The following C19orf47 variants were observed in gnomAD, a reference collection of about 807,000 sequenced individuals.
C19orf47 encodes chromosome 19 open reading frame 47, also known as uncharacterized protein C19orf47.
In C19orf47, 18 loss-of-function variants were observed where a neutral mutation model predicts 32.3. The ratio of observed to expected loss-of-function variants is 0.56; its 90% confidence interval spans 0.39 to 0.83. C19orf47 has a LOEUF of 0.83. C19orf47 is among the 40% of genes least tolerant of loss of function. The pLI is 0.00. For synonymous variants in C19orf47, 202 were observed against 211.1 expected, an observed-to-expected ratio of 0.96 and a Z score of 0.37; for missense variants, 484 against 531.6, an observed-to-expected ratio of 0.91 and a Z score of 0.88.
In C19orf47 at chr19:40,322,306, T is replaced by C. The variant is rs375456596; in HGVS notation, c.734A>G (p.Asn245Ser). The C allele has an allele frequency of 2.7e-5, 44 of 1,608,506 alleles. No homozygotes were observed. Among genetic ancestry groups the C allele is most frequent in the Non-Finnish European group, 3.2e-5 (38 of 1,178,896 alleles). The change falls in exon 9 of 9, where the codon AAT (asparagine) becomes AGT (serine). Residue 245 changes from asparagine to serine, a missense_variant. Transcript: ENST00000683109. ...CTGCAAGACAGAGCTGCTGCTGTCATTGTCGCTGTCCCAAGCCAGATCCTC... is the reference window on the plus strand; with the variant it reads ...CTGCAAGACAGAGCTGCTGCTGTCACTGTCGCTGTCCCAAGCCAGATCCTC... ...TDEDLAWDSD[N>S]DSSSSVLQYA...
intron 2 of C19orf47, among the ~76,000 whole-genome samples, chr19:40,340,453 C>A (rs564159679): frequency 6.6e-6 from 1 of 151,696 alleles, no homozygotes; most frequent in East Asian, 1.9e-4. Context: ...GAGGCCGAGG[C>A]AGGTGGATCA....
In C19orf47 at chr19:40,321,661, G is replaced by A. The variant is rs1568602080; in HGVS notation, c.*221C>T. The A allele has an allele frequency of 4.3e-6, 6 of 1,386,526 alleles. No homozygotes were observed. Among genetic ancestry groups the A allele is most frequent in the Non-Finnish European group, 4.6e-6 (5 of 1,076,272 alleles). The allele number at this position is 1,386,526 out of a possible 1,614,324, so 85.9% of individuals were successfully genotyped here. A position where few individuals can be genotyped will look rare whatever the true frequency, so the allele number is the denominator to read the frequency against. On this transcript the variant is annotated 3_prime_UTR_variant, in exon 9 of 9. Transcript: ENST00000683109. ...CCAGAGAAGAAAGCACAGAGGACAT[G>A]AGAGAAGGGGAGTCCTGGAGCAGGC...
the C19orf47 span, among the ~76,000 whole-genome samples, chr19:40,302,086 G>A: frequency 4.0e-5 from 6 of 151,838 alleles, no homozygotes; most frequent in East Asian, 1.9e-4. Flanking sequence ...GCTTGAACCC[G>A]GGAGGCAGAG....
chr19:40,322,799 A>G (rs1358386240), intron 8 of C19orf47, among the ~76,000 whole-genome samples: 1 of 152,262 alleles, frequency 6.6e-6, no homozygotes, highest in Non-Finnish European at 1.5e-5. Flanking sequence ...CTAGGGACAC[A>G]GTGATGACCA....
At chr19:40,326,223 C>G in intron 7 of C19orf47, 111 bp downstream of exon 7, 2 of 1,445,976 alleles carry the variant, frequency 1.4e-6, no homozygotes, top group Non-Finnish European at 1.9e-6. Flanking sequence ...CTCCTGCATC[C>G]CCGTTAGAAC....
intron 7 of C19orf47, 81 bp from the exon 8 acceptor site, chr19:40,324,157 CCAGA>C: frequency 3.0e-6 from 4 of 1,337,146 alleles, no homozygotes; most frequent in Non-Finnish European, 2.2e-6. Flanking sequence ...CCAAGGCAGC[CCAGA>C]CACCAGTAGC....
intron 2 of C19orf47, chr19:40,339,083 A>G (rs541419651): frequency 6.5e-6 from 1 of 152,930 alleles, no homozygotes; most frequent in Admixed American, 6.5e-5. Flanking sequence ...GTGAAGCAGT[A>G]GGAAGGGAGA....
chr19:40,323,527 G>A (rs2077764685), intron 8 of C19orf47, among the ~76,000 whole-genome samples: 1 of 152,210 alleles, frequency 6.6e-6, no homozygotes, highest in Non-Finnish European at 1.5e-5. Flanking sequence ...CCAGTGAGGG[G>A]ACGGGCCCTG....
intron 5 of C19orf47, among the ~76,000 whole-genome samples, chr19:40,331,765 G>A (rs534563438): frequency 7.2e-5 from 11 of 152,240 alleles, no homozygotes; most frequent in South Asian, 2.1e-4. Context: ...TGTCGGGTGC[G>A]GTGGCTAATG....
At chr19:40,324,101 G>A in intron 7 of C19orf47, 25 bp from the exon 8 acceptor site, 1 of 1,613,896 alleles carries the variant, frequency 6.2e-7, no homozygotes. Context: ...AAGCCATCAG[G>A]GAGAGGCCCC....
At chr19:40,304,019 A>G in the C19orf47 span, among the ~76,000 whole-genome samples, 2 of 152,004 alleles carry the variant, frequency 1.3e-5, no homozygotes, top group Non-Finnish European at 2.9e-5. Flanking sequence ...GTTTCCTCTT[A>G]TTAAATACCT....
At chr19:40,329,906 T>C (rs1400978095) in intron 5 of C19orf47, among the ~76,000 whole-genome samples, 1 of 152,212 alleles carries the variant, frequency 6.6e-6, no homozygotes, top group African/African-American at 2.4e-5. Flanking sequence ...CTACCTGTCC[T>C]GCTGTACCCA....
In C19orf47 at chr19:40,323,975, C is replaced by A. The variant is rs774230071; in HGVS notation, c.663+31G>T. ...CGCTCAGGGAAGACAACAGCTCGCA[C>A]GCCCAGAATCGCTCCCCCATCCCCA... On this transcript the variant is annotated intron_variant, in intron 8 of 8. Transcript: ENST00000683109. 13 of 1,613,342 alleles carry A rather than the reference C, an allele frequency of 8.1e-6. No individual in the cohort carries two copies. In the African/African-American group the frequency reaches 1.3e-4, roughly 17 times the overall value.
chr19:40,321,469 A>C lies in C19orf47; in HGVS notation c.*413T>G. Reference sequence around the variant, plus strand: ...AGGGAGGTCAGTGGGGAGTGGGGGAAGGGAGGCCCACCAGGTGACACCCAC... The same window carrying C: ...AGGGAGGTCAGTGGGGAGTGGGGGACGGGAGGCCCACCAGGTGACACCCAC... On this transcript the variant is annotated 3_prime_UTR_variant, in exon 9 of 9. Transcript: ENST00000683109. 2.0e-6 allele frequency: 2 copies of C among 1,010,194 alleles called. No homozygotes were observed. The highest frequency in any genetic ancestry group is 2.4e-6 in the Non-Finnish European group (2 of 844,874). 62.6% of individuals were successfully genotyped at this position (1,010,194 alleles called of 1,614,324 possible).
rs1280856528 is a variant in C19orf47, at chr19:40,320,369, C to G, written c.*1513G>C. ...TCCTTGATCACAACACCCCCAGCCA[C>G]CTAGCCCCTGCCCACCCACCTCTGC... On this transcript the variant is annotated 3_prime_UTR_variant, in exon 9 of 9. Coordinates refer to ENST00000683109, the MANE Select transcript of C19orf47 (RefSeq NM_001256441.2). The G allele has an allele frequency of 6.4e-6, 1 of 155,554 alleles. No individual in the cohort carries two copies. Among genetic ancestry groups the G allele is most frequent in the African/African-American group, 2.4e-5 (1 of 41,466 alleles). 9.6% of individuals were successfully genotyped at this position (155,554 alleles called of 1,614,324 possible).
chr19:40,327,263 C>T (rs1005304734), intron 6 of C19orf47, among the ~76,000 whole-genome samples: 12 of 152,024 alleles, frequency 7.9e-5, no homozygotes, highest in African/African-American at 2.9e-4. Context: ...ATCCGCCCAC[C>T]TCGGCCTCCC....
chr19:40,297,886 AAAT>A, the C19orf47 span, among the ~76,000 whole-genome samples: 5 of 150,744 alleles, frequency 3.3e-5, no homozygotes, highest in Non-Finnish European at 7.4e-5. Flanking sequence ...AAAAAAAAAA[AAAT>A]AGCCGGGTTT....
At chr19:40,342,704 C>T (rs1357246230) in intron 1 of C19orf47, among the ~76,000 whole-genome samples, 1 of 152,114 alleles carries the variant, frequency 6.6e-6, no homozygotes, top group Non-Finnish European at 1.5e-5. Context: ...CCTAAAGCAA[C>T]ATTTAGAGAC....
At position 40,331,741 on chromosome 19, in the gene C19orf47, T is replaced by C. The variant is rs751927724; in HGVS notation, c.301+2110A>G. On this transcript the variant is annotated intron_variant, in intron 5 of 8. Transcript: ENST00000683109. ...TATATTAAAATTTTAAAGTTTATTT[T>C]TAAAAAAGGTATCTGTCGGGTGCGG... is the stretch of plus-strand genomic sequence containing the variant. Among the ~76,000 whole-genome samples, 38 of 152,266 alleles carry C rather than the reference T, an allele frequency of 2.5e-4. 1 individual carries two copies. The Middle Eastern group carries it at 0.02, about 82-fold the overall frequency.
Sources: allele counts gnomAD v4.1 joint callset (sites outside exome capture counted in the v4.1 genomes callset), GRCh38; gene constraint gnomAD v4.1.1; transcripts MANE v1.5; gene names NCBI Gene and HGNC (gene_info 2026-07-23, HGNC 2026-07-21).